NEGR1: variants seen among roughly 807,000 people sequenced by gnomAD.
NEGR1 encodes neuronal growth regulator 1.
Under a neutral mutation model 40.9 loss-of-function variants are expected in NEGR1, and 10 were observed. The ratio of observed to expected loss-of-function variants is 0.24; its 90% CI spans 0.15 to 0.42. The LOEUF is 0.42. NEGR1 is among the 10% of genes least tolerant of loss of function. The pLI is 1.00. For missense variants in NEGR1, 352 were observed against 438.9 expected, an observed-to-expected ratio of 0.80 and a Z score of 1.77; for synonymous variants, 185 against 166.8, an observed-to-expected ratio of 1.11 and a Z score of -0.84.
chr1:72,121,269 C>A (rs2821241), intron 1 of NEGR1, among the ~76,000 whole-genome samples: 2 of 151,980 alleles, frequency 1.3e-5, no homozygotes, highest in Non-Finnish European at 2.9e-5. Context: ...TTTAATATCA[C>A]TGAACATTTT....
intron 1 of NEGR1, among the ~76,000 whole-genome samples, chr1:72,221,493 A>G (rs75402833): frequency 0.013 from 1,983 of 152,280 alleles, 45 homozygotes; most frequent in African/African-American, 0.046. Flanking sequence ...GAGCAATAAC[A>G]AAATCACAGA....
At position 71,650,612 on chromosome 1, in the gene NEGR1, C is replaced by G. The variant is rs181984779; in HGVS notation, c.668-39466G>C. ...TTTCTCCCTGTTGTTTGCTCATAAG[C>G]ATACTTGTTTTCTTTTCTTTTTTGG... On this transcript the variant is annotated intron_variant, in intron 4 of 6. Transcript: ENST00000357731. Among the ~76,000 whole-genome samples the G allele has an allele frequency of 3.4e-3, 510 of 152,192 alleles. 10 individuals carry two copies. Among genetic ancestry groups the G allele is most frequent in the Non-Finnish European group, 7.1e-4 (48 of 67,978 alleles).
chr1:71,403,768 T>C lies in NEGR1; in HGVS notation c.*3678A>G, dbSNP rs1274986222. 2.7e-6 allele frequency: 1 copy of C among 368,124 alleles called. No homozygotes were observed. The highest frequency in any genetic ancestry group is 4.9e-6 in the Non-Finnish European group (1 of 204,202). The allele number at this position is 368,124 out of a possible 1,614,324, so 22.8% of individuals were successfully genotyped here. A position where few individuals can be genotyped will look rare whatever the true frequency, so the allele number is the denominator to read the frequency against. ...GATAAACTGAGTTTATATTCACCTA[T>C]TGGAAACAGTACAACATATTTTACA... is the stretch of plus-strand genomic sequence containing the variant. On this transcript the variant is annotated 3_prime_UTR_variant, in exon 7 of 7. Coordinates refer to ENST00000357731, the MANE Select transcript of NEGR1 (RefSeq NM_173808.3).
chr1:71,759,596 C>CCTTTTTTTTT (rs1655866326), intron 3 of NEGR1, among the ~76,000 whole-genome samples: 1 of 31,952 alleles, frequency 3.1e-5, no homozygotes, highest in African/African-American at 9.3e-5. Context: ...TGCGTCCAGG[C>CCTTTTTTTTT]TTTTTTTTTT....
At chr1:71,532,085 T>C (rs1304178770) in intron 6 of NEGR1, among the ~76,000 whole-genome samples, 2 of 151,506 alleles carry the variant, frequency 1.3e-5, no homozygotes, top group Non-Finnish European at 3.0e-5. Flanking sequence ...TTACAAGAAA[T>C]CCCTATGAAC....
At chr1:71,996,033 C>T (rs1430285090) in intron 1 of NEGR1, among the ~76,000 whole-genome samples, 1 of 151,998 alleles carries the variant, frequency 6.6e-6, no homozygotes, top group East Asian at 1.9e-4. Flanking sequence ...GAGGAATAAG[C>T]ATTAACTTGT....
chr1:71,629,916 AC>A (rs1650918133), intron 4 of NEGR1, among the ~76,000 whole-genome samples: 1 of 152,018 alleles, frequency 6.6e-6, no homozygotes. Flanking sequence ...GTATTATATG[AC>A]CAAATACTGA....
Position 71,555,775 on chromosome 1 carries a change from G to A in NEGR1, c.940+37042C>T, listed in dbSNP as rs144488227. On this transcript the variant is annotated intron_variant, in intron 6 of 6. Coordinates refer to ENST00000357731, the MANE Select transcript of NEGR1 (RefSeq NM_173808.3). Reference sequence around the variant, plus strand: ...AAATCACTTTTGATACCCCTTTTTCGTTTTCTGTAATCCAAGAAGTTGAGA... The same window carrying A: ...AAATCACTTTTGATACCCCTTTTTCATTTTCTGTAATCCAAGAAGTTGAGA... Among the ~76,000 whole-genome samples the A allele has an allele frequency of 1.8e-3, 277 of 150,842 alleles. 3 individuals carry two copies. Among genetic ancestry groups the A allele is most frequent in the East Asian group, 0.011 (55 of 5,082 alleles).
At chr1:72,098,734 A>G (rs1486648567) in intron 1 of NEGR1, among the ~76,000 whole-genome samples, 4 of 151,988 alleles carry the variant, frequency 2.6e-5, no homozygotes, top group Admixed American at 2.6e-4. Flanking sequence ...TGATCAGCAA[A>G]TTTTTCTAGC....
At chr1:71,430,918 C>A (rs570452755) in intron 6 of NEGR1, among the ~76,000 whole-genome samples, 1 of 151,864 alleles carries the variant, frequency 6.6e-6, no homozygotes, top group East Asian at 1.9e-4. Flanking sequence ...CACCACCGGG[C>A]CCGACTAATT....
At chr1:71,481,921 C>T (rs1646856566) in intron 6 of NEGR1, among the ~76,000 whole-genome samples, 1 of 151,624 alleles carries the variant, frequency 6.6e-6, no homozygotes, top group South Asian at 2.1e-4. Flanking sequence ...TTTTTATTCT[C>T]TGAGCTTTAT....
intron 2 of NEGR1, among the ~76,000 whole-genome samples, chr1:71,795,021 A>T (rs575660557): frequency 6.6e-6 from 1 of 152,238 alleles, no homozygotes; most frequent in Admixed American, 6.5e-5. Flanking sequence ...AGGCAGAAAA[A>T]TTTAAATTAA....
intron 2 of NEGR1, among the ~76,000 whole-genome samples, chr1:71,925,160 AT>A (rs535742790): frequency 6.6e-6 from 1 of 152,210 alleles, no homozygotes; most frequent in South Asian, 2.1e-4. Context: ...CCACAAATAG[AT>A]TTACGGTGTT....
At chr1:71,845,429 A>G (rs1002462197) in intron 2 of NEGR1, among the ~76,000 whole-genome samples, 27 of 152,258 alleles carry the variant, frequency 1.8e-4, no homozygotes, top group Non-Finnish European at 3.4e-4. Context: ...AGTCCCACAT[A>G]ATGGACTCCA....
intron 2 of NEGR1, among the ~76,000 whole-genome samples, chr1:71,818,789 C>A (rs766219872): frequency 1.3e-5 from 2 of 151,774 alleles, no homozygotes; most frequent in Non-Finnish European, 2.9e-5. Context: ...AGCAGAGTGA[C>A]AGCCAAGGAA....
chr1:71,888,201 G>A (rs935138159), intron 2 of NEGR1, among the ~76,000 whole-genome samples: 31 of 151,918 alleles, frequency 2.0e-4, no homozygotes, highest in African/African-American at 7.2e-4. Flanking sequence ...GAATGGAGAA[G>A]TCGGGGGAGG....
intron 6 of NEGR1, among the ~76,000 whole-genome samples, chr1:71,475,888 T>A (rs1646816550): frequency 6.6e-6 from 1 of 152,010 alleles, no homozygotes; most frequent in African/African-American, 2.4e-5. Flanking sequence ...GACTATAATA[T>A]CTTCAATAAT....
chr1:71,688,576 C>A (rs12401428), intron 4 of NEGR1, among the ~76,000 whole-genome samples: 75,259 of 149,770 alleles, frequency 0.5, 18,958 homozygotes, highest in Middle Eastern at 0.56. Context: ...CCTGCCTCAG[C>A]CTCCCAAGTA....
At chr1:71,443,220 A>G (rs1569877641) in intron 6 of NEGR1, among the ~76,000 whole-genome samples, 2 of 152,248 alleles carry the variant, frequency 1.3e-5, no homozygotes, top group Admixed American at 6.5e-5. Context: ...ACATGGGCAT[A>G]TTTTGGGGAT....
Sources: allele counts gnomAD v4.1 joint callset (sites outside exome capture counted in the v4.1 genomes callset), GRCh38; gene constraint gnomAD v4.1.1; transcripts MANE v1.5; gene names NCBI Gene and HGNC (gene_info 2026-07-23, HGNC 2026-07-21).